RIPOR3: variants seen among roughly 807,000 people sequenced by gnomAD.
The protein encoded by RIPOR3 is family with sequence similarity 65 member C.
Under a neutral mutation model 114.3 loss-of-function variants are expected in RIPOR3, and 95 were observed. The observed-to-expected ratio is 0.83, with a 90% CI of 0.70 to 0.99. The LOEUF (loss-of-function observed/expected upper bound fraction) is 0.99, where lower values mean the gene tolerates loss of function less well. Ranked by LOEUF, RIPOR3 falls within the 50% of genes least tolerant of loss-of-function variation. The probability of loss-of-function intolerance (pLI) is 0.00; values close to 1 mark genes in which losing one functional copy is unlikely to be tolerated. For missense variants in RIPOR3, 1,252 were observed against 1,266.9 expected, an observed-to-expected ratio of 0.99 and a Z score of 0.18; for synonymous variants, 575 against 543.8, an observed-to-expected ratio of 1.06 and a Z score of -0.80.
At chr20:50,671,997 GAT>G (rs1253339242) in intron 1 of RIPOR3, among the ~76,000 whole-genome samples, 76 of 147,216 alleles carry the variant, frequency 5.2e-4, no homozygotes, top group African/African-American at 1.8e-3. Context: ...TGGATGGATG[GAT>G]GGATGGATGG....
intron 16 of RIPOR3, 192 bp from the exon 17 acceptor site, chr20:50,594,906 C>G: frequency 1.7e-6 from 1 of 584,230 alleles, no homozygotes; most frequent in Non-Finnish European, 3.0e-6. Context: ...CCAGGGCCAC[C>G]ACCTGCAGTC....
At position 50,604,709 on chromosome 20, in the gene RIPOR3, C is replaced by T; in HGVS notation, c.1022G>A (p.Arg341Lys). ...TGTCCAGTTGTACAAGGAGCCCTTC[C>T]TGCTGCCCATAGAAAACTTGCCCGT... ...SPTGKFSMGS[R>K]KGSLYNWTPP... Residue 341 changes from arginine (R) to lysine (K), a missense_variant, in exon 12 of 22, where the codon AGG becomes AAG. Arg to Lys is a conservative substitution (Grantham distance 26). Transcript: ENST00000327979. 1.2e-6 allele frequency: 2 copies of T among 1,610,158 alleles called. No homozygotes were observed. Among genetic ancestry groups the T allele is most frequent in the Non-Finnish European group, 1.7e-6 (2 of 1,178,566 alleles).
At chr20:50,681,242 AGAAAAG>A (rs769564817) in intron 1 of RIPOR3, among the ~76,000 whole-genome samples, 221 of 89,442 alleles carry the variant, frequency 2.5e-3, no homozygotes, top group South Asian at 4.9e-3. Flanking sequence ...AAAAAAAAAA[AGAAAAG>A]AAAAGAAAAG....
intron 1 of RIPOR3, chr20:50,636,542 G>C (rs1216711589): frequency 2.0e-6 from 2 of 985,046 alleles, no homozygotes; most frequent in African/African-American, 1.7e-5. Context: ...TGGGCCCCAG[G>C]GCAGAGAAGG....
intron 1 of RIPOR3, among the ~76,000 whole-genome samples, chr20:50,666,705 C>T (rs1246544582): frequency 2.0e-5 from 3 of 152,014 alleles, no homozygotes; most frequent in South Asian, 2.1e-4. Context: ...GGACTACAGG[C>T]GTGTGCCACC....
Position 50,593,146 on chromosome 20 carries a change from C to T in RIPOR3, c.2263G>A (p.Gly755Arg), listed in dbSNP as rs535642937. The change falls in exon 18 of 22, where the codon GGA becomes AGA. Residue 755 changes from glycine to arginine, a missense_variant. Transcript: ENST00000327979. ...ATCTGTTCTTCTGGGAGCCCAGCTC[C>T]GGGGAGCAGCCCACCACAGCTGACC... The part of the protein sequence containing the change: ...QVVSCGGLLP[G>R]AGLPEEQIIT... The T allele has an allele frequency of 3.7e-5, 60 of 1,613,758 alleles. No individual in the cohort carries two copies. The East Asian group carries it at 5.6e-4, about 15-fold the overall frequency.
chr20:50,657,647 G>A (rs1033981464), intron 1 of RIPOR3, among the ~76,000 whole-genome samples: 2 of 151,356 alleles, frequency 1.3e-5, no homozygotes, highest in Admixed American at 6.6e-5. Context: ...TCTTAAATCT[G>A]CATTAAAAAA....
At chr20:50,644,304 ACT>A (rs1319896065) in intron 1 of RIPOR3, among the ~76,000 whole-genome samples, 2 of 130,396 alleles carry the variant, frequency 1.5e-5, no homozygotes, top group African/African-American at 6.8e-5. Flanking sequence ...CATTTTTGAC[ACT>A]AAAAACAGTA....
rs191193359 is a variant in RIPOR3, at chr20:50,642,996, C to T, written c.4-12140G>A. Among the ~76,000 whole-genome samples, 576 of 151,846 alleles carry T rather than the reference C, an allele frequency of 3.8e-3. 4 individuals carry two copies. The highest frequency in any genetic ancestry group is 0.013 in the African/African-American group (537 of 41,420). ...CCGGGAGGCAGAGGTTGCGGTGAGCCGAGATTGCACCATTGCACTCCAGAC... is the reference window on the plus strand; with the variant it reads ...CCGGGAGGCAGAGGTTGCGGTGAGCTGAGATTGCACCATTGCACTCCAGAC... On this transcript the variant is annotated intron_variant, in intron 1 of 21. Coordinates refer to ENST00000327979, the MANE Select transcript of RIPOR3 (RefSeq NM_001290268.2).
intron 1 of RIPOR3, among the ~76,000 whole-genome samples, chr20:50,631,133 C>A (rs554816356): frequency 3.9e-5 from 6 of 152,274 alleles, no homozygotes; most frequent in Middle Eastern, 3.4e-3. Flanking sequence ...CCTCCCAGAG[C>A]AAGGGGACAG....
intron 1 of RIPOR3, among the ~76,000 whole-genome samples, chr20:50,676,768 A>AATTTTTTTTTTTTTT (rs1568961079): frequency 7.1e-6 from 1 of 139,886 alleles, no homozygotes. Context: ...TCCAGATTCT[A>AATTTTTTTTTTTTTT]CTTTTTTTTT....
At position 50,652,866 on chromosome 20, in the gene RIPOR3, T is replaced by C. The variant is rs533228715; in HGVS notation, c.4-22010A>G. Among the ~76,000 whole-genome samples, 3 of 152,306 alleles carry C rather than the reference T, an allele frequency of 2.0e-5. No individual in the cohort carries two copies. In the South Asian group the frequency reaches 6.2e-4, roughly 32 times the overall value. On this transcript the variant is annotated intron_variant, in intron 1 of 21. Transcript: ENST00000327979. ...GACATGTAAGAGGGCGCAGCTGCTT[T>C]GGAAAACAGCTTGGCAGTTCCTCAA...
Position 50,594,746 on chromosome 20 carries a change from G to A in RIPOR3, c.2051-32C>T, listed in dbSNP as rs764633456. 5 of 1,589,850 alleles carry A rather than the reference G, an allele frequency of 3.1e-6. No individual in the cohort carries two copies. In the East Asian group the frequency reaches 9.0e-5, roughly 29 times the overall value. On this transcript the variant is annotated intron_variant, in intron 16 of 21. Coordinates refer to ENST00000327979, the MANE Select transcript of RIPOR3 (RefSeq NM_001290268.2). ...GCCCCAGTTCAGAAACCTGAATGGT[G>A]ACTCGGGGAGAGCACATGACAAGGA...
Position 50,665,285 on chromosome 20 carries a change from A to C in RIPOR3, c.3+25841T>G, listed in dbSNP as rs6096052. Reference sequence around the variant, plus strand: ...AACCCTGACTCTACTAAAAATACCAAAAAAAAAAAAAAAATGCTGGACGTG... The same window carrying C: ...AACCCTGACTCTACTAAAAATACCACAAAAAAAAAAAAAATGCTGGACGTG... On this transcript the variant is annotated intron_variant, in intron 1 of 21. Transcript: ENST00000327979. Among the ~76,000 whole-genome samples the C allele has an allele frequency of 5.4e-3, 789 of 146,226 alleles. 9 individuals are homozygous for C. The highest frequency in any genetic ancestry group is 0.019 in the African/African-American group (748 of 39,390).
intron 2 of RIPOR3, among the ~76,000 whole-genome samples, chr20:50,622,670 TCCA>T (rs1454800800): frequency 6.6e-6 from 1 of 151,610 alleles, no homozygotes; most frequent in Non-Finnish European, 1.5e-5. Flanking sequence ...CATGCCCTCA[TCCA>T]CCCCTTGGCT....
chr20:50,683,974 G>A (rs1234810787), intron 1 of RIPOR3, among the ~76,000 whole-genome samples: 1 of 151,824 alleles, frequency 6.6e-6, no homozygotes, highest in Non-Finnish European at 1.5e-5. Context: ...CCAGCTACTC[G>A]GGAGGCTGAG....
At chr20:50,641,081 T>G (rs2085174903) in intron 1 of RIPOR3, among the ~76,000 whole-genome samples, 1 of 151,792 alleles carries the variant, frequency 6.6e-6, no homozygotes, top group African/African-American at 2.4e-5. Flanking sequence ...GGGTAATTTT[T>G]TGTATTTTTA....
intron 16 of RIPOR3, 109 bp downstream of exon 16, chr20:50,595,260 G>T: frequency 7.0e-7 from 1 of 1,425,914 alleles, no homozygotes; most frequent in Non-Finnish European, 9.6e-7. Flanking sequence ...CTCCACTCTG[G>T]GCCCCGATTA....
At chr20:50,615,354 T>C (rs1029903076) in intron 4 of RIPOR3, among the ~76,000 whole-genome samples, 9 of 151,712 alleles carry the variant, frequency 5.9e-5, no homozygotes, top group African/African-American at 2.2e-4. Context: ...TGAGACCCTG[T>C]ATCTACAAAA....
Sources: allele counts gnomAD v4.1 joint callset (sites outside exome capture counted in the v4.1 genomes callset), GRCh38; gene constraint gnomAD v4.1.1; transcripts MANE v1.5; gene names NCBI Gene and HGNC (gene_info 2026-07-23, HGNC 2026-07-21).